OCA2: variants seen among roughly 807,000 people sequenced by gnomAD.
The protein encoded by OCA2 is P protein.
Under a neutral mutation model 100.2 loss-of-function variants are expected in OCA2, and 77 were observed. The ratio of observed to expected loss-of-function variants is 0.77; its 90% confidence interval spans 0.64 to 0.93. The LOEUF (loss-of-function observed/expected upper bound fraction) is 0.93, where lower values mean the gene tolerates loss of function less well. Ranked by LOEUF, OCA2 falls within the 40% of genes least tolerant of loss-of-function variation. The pLI is 0.00. For synonymous variants in OCA2, 432 were observed against 439.2 expected (o/e 0.98, Z 0.21); for missense variants, 1,062 against 1,089.1 (o/e 0.98, Z 0.35).
At chr15:27,812,168 G>A (rs1005827733) in intron 23 of OCA2, among the ~76,000 whole-genome samples, 5 of 152,158 alleles carry the variant, frequency 3.3e-5, no homozygotes, top group Admixed American at 6.5e-5. Flanking sequence ...ATCAGTCAGC[G>A]GCTTCCAGCA....
chr15:27,760,114 A>G (rs2030712822), intron 23 of OCA2, among the ~76,000 whole-genome samples: 1 of 152,136 alleles, frequency 6.6e-6, no homozygotes, highest in African/African-American at 2.4e-5. Context: ...AAACTATCCA[A>G]GCATTTTCAA....
chr15:27,744,791 A>AC, the OCA2 span, among the ~76,000 whole-genome samples: 2 of 152,056 alleles, frequency 1.3e-5, no homozygotes, highest in African/African-American at 4.8e-5. Flanking sequence ...TGACTGATGG[A>AC]CCCCTCTCTT....
the OCA2 span, among the ~76,000 whole-genome samples, chr15:27,742,606 T>G: frequency 1.3e-5 from 2 of 152,154 alleles, no homozygotes; most frequent in Admixed American, 1.3e-4. Context: ...CTGCACACTG[T>G]CTGCAGAAGC....
chr15:27,960,608 C>G (rs778344505), intron 15 of OCA2, among the ~76,000 whole-genome samples: 1 of 152,120 alleles, frequency 6.6e-6, no homozygotes, highest in East Asian at 1.9e-4. Flanking sequence ...ATCTATCTAT[C>G]TATCTATCTA....
chr15:27,824,471 T>A (rs904854996), intron 23 of OCA2, among the ~76,000 whole-genome samples: 1 of 151,012 alleles, frequency 6.6e-6, no homozygotes, highest in African/African-American at 2.4e-5. Context: ...TTTAAGGAAG[T>A]AAAAGGAGAT....
chr15:27,772,495 A>C (rs771623572), intron 23 of OCA2, among the ~76,000 whole-genome samples: 3 of 152,190 alleles, frequency 2.0e-5, no homozygotes, highest in Admixed American at 6.5e-5. Flanking sequence ...TTAATATATG[A>C]TGAATTTTGT....
chr15:28,005,027 G>A (rs573592245), intron 9 of OCA2, among the ~76,000 whole-genome samples: 18 of 152,270 alleles, frequency 1.2e-4, no homozygotes, highest in Middle Eastern at 3.4e-3. Context: ...CAATGTGGCT[G>A]TGACAGAAAC....
intron 9 of OCA2, among the ~76,000 whole-genome samples, chr15:28,007,789 C>T (rs2042130850): frequency 6.6e-6 from 1 of 152,038 alleles, no homozygotes; most frequent in African/African-American, 2.4e-5. Flanking sequence ...AAGAAAGTGC[C>T]AATCAGGATG....
chr15:27,926,610 G>A (rs2039052593), intron 18 of OCA2, among the ~76,000 whole-genome samples: 1 of 152,000 alleles, frequency 6.6e-6, no homozygotes, highest in African/African-American at 2.4e-5. Flanking sequence ...TTGCACCATA[G>A]TTTTTTGTTG....
At chr15:27,773,511 C>T (rs2032013615) in intron 23 of OCA2, among the ~76,000 whole-genome samples, 1 of 152,192 alleles carries the variant, frequency 6.6e-6, no homozygotes, top group Non-Finnish European at 1.5e-5. Flanking sequence ...AGAAAGATGA[C>T]ATCTGATAAC....
At chr15:27,999,302 G>T (rs983471214) in intron 9 of OCA2, among the ~76,000 whole-genome samples, 2 of 152,112 alleles carry the variant, frequency 1.3e-5, no homozygotes, top group African/African-American at 4.8e-5. Context: ...TCCAAGGACA[G>T]GTTCAACATA....
At chr15:27,842,796 C>T (rs899477144) in intron 23 of OCA2, among the ~76,000 whole-genome samples, 1 of 152,190 alleles carries the variant, frequency 6.6e-6, no homozygotes, top group African/African-American at 2.4e-5. Flanking sequence ...TCCTGTCATA[C>T]TAGCTGTTCA....
At chr15:28,048,913 G>A (rs754767653) in intron 2 of OCA2, among the ~76,000 whole-genome samples, 41 of 152,076 alleles carry the variant, frequency 2.7e-4, no homozygotes, top group Admixed American at 6.6e-4. Context: ...CGCTGAGGAG[G>A]ATGGCCTGAA....
At chr15:28,036,891 G>A (rs1344316191) in intron 2 of OCA2, among the ~76,000 whole-genome samples, 1 of 152,138 alleles carries the variant, frequency 6.6e-6, no homozygotes, top group Admixed American at 6.5e-5. Flanking sequence ...GTGCCACATA[G>A]GCACCATTTA....
intron 2 of OCA2, among the ~76,000 whole-genome samples, chr15:28,073,831 T>G (rs1487292654): frequency 6.6e-6 from 1 of 152,176 alleles, no homozygotes; most frequent in Non-Finnish European, 1.5e-5. Flanking sequence ...ATTCTAGAGA[T>G]GAAAAACAGA....
chr15:27,888,516 C>T (rs1383768659), intron 19 of OCA2, among the ~76,000 whole-genome samples: 2 of 151,998 alleles, frequency 1.3e-5, no homozygotes, highest in African/African-American at 2.4e-5. Context: ...TTAAAGCAGC[C>T]TTCCTAAAAA....
intron 23 of OCA2, among the ~76,000 whole-genome samples, chr15:27,819,988 G>A (rs183217477): frequency 3.6e-4 from 55 of 152,292 alleles, no homozygotes; most frequent in African/African-American, 1.2e-3. Context: ...AAACAAGCAC[G>A]ATGTTAGCGG....
At chr15:27,736,121 A>G in the OCA2 span, among the ~76,000 whole-genome samples, 16 of 150,726 alleles carry the variant, frequency 1.1e-4, no homozygotes, top group Non-Finnish European at 1.9e-4. Context: ...CTAATTAAAA[A>G]ATAAAATAAT....
intron 23 of OCA2, among the ~76,000 whole-genome samples, chr15:27,842,677 A>G (rs1289854451): frequency 6.6e-6 from 1 of 152,200 alleles, no homozygotes; most frequent in East Asian, 1.9e-4. Flanking sequence ...ACTCACCACA[A>G]GGACACACTC....
Sources: allele counts gnomAD v4.1 joint callset (sites outside exome capture counted in the v4.1 genomes callset), GRCh38; gene constraint gnomAD v4.1.1; transcripts MANE v1.5; gene names NCBI Gene and HGNC (gene_info 2026-07-23, HGNC 2026-07-21).